The following MYPN variants were observed in gnomAD, a reference collection of about 807,000 sequenced individuals.
MYPN encodes myopalladin, also known as sarcomeric protein myopalladin, 145 kDa (MYOP).
Under a neutral mutation model 129.4 loss-of-function variants are expected in MYPN, and 63 were observed. The observed-to-expected ratio is 0.49, with a 90% CI of 0.40 to 0.60. The LOEUF is 0.60. Among genes scored for constraint, MYPN ranks in the 20% least tolerant of loss-of-function variants. The pLI, the probability that MYPN is intolerant of heterozygous loss-of-function variation, is 0.00. For synonymous variants in MYPN, 629 were observed against 600.9 expected (o/e 1.05, Z -0.68); for missense variants, 1,596 against 1,635.4 (o/e 0.98, Z 0.42).
intron 10 of MYPN, among the ~76,000 whole-genome samples, chr10:68,169,117 G>A (rs539625789): frequency 1.4e-4 from 21 of 149,656 alleles, no homozygotes; most frequent in Non-Finnish European, 2.4e-4. Context: ...AGGCCAAGGC[G>A]GGCGGATCAC....
intron 1 of MYPN, among the ~76,000 whole-genome samples, chr10:68,114,060 G>T (rs891525943): frequency 2.0e-5 from 3 of 152,080 alleles, no homozygotes; most frequent in Non-Finnish European, 4.4e-5. Context: ...CTCACACCCA[G>T]ATTTGTTTTC....
intron 19 of MYPN, 73 bp from the exon 20 acceptor site, chr10:68,210,213 G>T (rs537821334): frequency 5.5e-5 from 85 of 1,556,422 alleles, no homozygotes; most frequent in Admixed American, 3.7e-4. Flanking sequence ...GGTGAGGACA[G>T]AATGCACCTC....
intron 8 of MYPN, chr10:68,162,187 A>C (rs1163551945): frequency 7.0e-6 from 1 of 143,784 alleles, no homozygotes; most frequent in African/African-American, 2.5e-5. Context: ...AAAAAAAAAA[A>C]AACATCCAAA....
rs2042603600 is a variant in MYPN, at chr10:68,143,131, CT to C, written c.1078+18del. The C allele has an allele frequency of 6.2e-7, 1 of 1,611,416 alleles. No individual in the cohort carries two copies. The highest frequency in any genetic ancestry group is 1.1e-5 in the South Asian group (1 of 90,974). On this transcript the variant is annotated intron_variant, in intron 3 of 19. Coordinates refer to ENST00000358913, the MANE Select transcript of MYPN (RefSeq NM_032578.4). ...TATATAGAAGGTAAAACAAAATGCTCTTGGAGTATGACACTTAATAGTAAGA... is the reference window on the plus strand; with the variant it reads ...TATATAGAAGGTAAAACAAAATGCTCTGGAGTATGACACTTAATAGTAAGA...
At chr10:68,136,236 T>C in intron 2 of MYPN, 4 of 986,602 alleles carry the variant, frequency 4.1e-6, no homozygotes, top group Non-Finnish European at 4.8e-6. Context: ...AATGAGCAGA[T>C]CTGGCAAGCC....
At chr10:68,177,608 A>G (rs1156590342) in intron 12 of MYPN, among the ~76,000 whole-genome samples, 1 of 152,214 alleles carries the variant, frequency 6.6e-6, no homozygotes, top group Non-Finnish European at 1.5e-5. Flanking sequence ...AACTGTCTAA[A>G]ATATACTGTG....
intron 12 of MYPN, among the ~76,000 whole-genome samples, chr10:68,186,851 A>G (rs1045006717): frequency 6.6e-6 from 1 of 152,060 alleles, no homozygotes; most frequent in African/African-American, 2.4e-5. Context: ...TGCTATGTAG[A>G]GAATTAGAAT....
rs76077343 is a variant in MYPN at position 68,187,869 on chromosome 10, C to T, written c.2704-1036C>T. Among the ~76,000 whole-genome samples the T allele has an allele frequency of 8.2e-3, 1,253 of 152,242 alleles. 19 individuals are homozygous for T. Among genetic ancestry groups the T allele is most frequent in the African/African-American group, 0.028 (1,166 of 41,548 alleles). The stretch of plus-strand genomic sequence containing the variant: ...AAGTAGTCATCTGTGTCTAATGCTG[C>T]TTAGATCAAGTAAGGTAAGAATGGA... On this transcript the variant is annotated intron_variant, in intron 12 of 19. Coordinates refer to ENST00000358913, the MANE Select transcript of MYPN (RefSeq NM_032578.4).
intron 1 of MYPN, among the ~76,000 whole-genome samples, chr10:68,096,721 A>G (rs537743686): frequency 2.0e-5 from 3 of 152,330 alleles, no homozygotes; most frequent in Admixed American, 1.3e-4. Flanking sequence ...TATTCTACAT[A>G]AGAGTGTTTA....
At chr10:68,210,053 T>G (rs1344866205) in intron 19 of MYPN, among the ~76,000 whole-genome samples, 1 of 152,182 alleles carries the variant, frequency 6.6e-6, no homozygotes, top group Non-Finnish European at 1.5e-5. Flanking sequence ...TGAATTAGAA[T>G]CACAGATTTT....
intron 6 of MYPN, among the ~76,000 whole-genome samples, chr10:68,152,065 G>C (rs1241190546): frequency 3.3e-5 from 5 of 152,156 alleles, no homozygotes; most frequent in Non-Finnish European, 5.9e-5. Flanking sequence ...TGGAAGTTGG[G>C]CCTTCCAAGT....
intron 6 of MYPN, among the ~76,000 whole-genome samples, chr10:68,152,369 G>A (rs1391061838): frequency 6.6e-6 from 1 of 152,124 alleles, no homozygotes; most frequent in East Asian, 1.9e-4. Context: ...TTGCTGAGAG[G>A]AGGGGTCCAT....
upstream of MYPN, among the ~76,000 whole-genome samples, chr10:68,107,046 T>C (rs915359575): frequency 5.3e-5 from 8 of 152,258 alleles, no homozygotes; most frequent in African/African-American, 1.9e-4. Context: ...GATGAAATCT[T>C]GAACTAGTAG....
chr10:68,158,481 T>C lies in MYPN; in HGVS notation c.1318-5T>C. 6.2e-7 allele frequency: 1 copy of C among 1,613,468 alleles called. No individual in the cohort carries two copies. The highest frequency in any genetic ancestry group is 8.5e-7 in the Non-Finnish European group (1 of 1,179,462). On this transcript the variant is annotated splice_polypyrimidine_tract_variant and splice_region_variant and intron_variant, in intron 6 of 19. Transcript: ENST00000358913. ...GTTCTAACTACATTCTTCTTATCAT[T>C]ATAGATGCTACAAAATTTGTCAGCT...
At chr10:68,153,037 G>A (rs1294162975) in intron 6 of MYPN, among the ~76,000 whole-genome samples, 4 of 151,164 alleles carry the variant, frequency 2.6e-5, no homozygotes, top group African/African-American at 7.4e-5. Context: ...CCAAGCTGGA[G>A]TGCAGTGGCA....
intron 1 of MYPN, among the ~76,000 whole-genome samples, chr10:68,116,581 C>A (rs904272606): frequency 1.3e-5 from 2 of 152,044 alleles, no homozygotes; most frequent in Non-Finnish European, 2.9e-5. Context: ...ACTGAAAATA[C>A]AAAAATTAGC....
At chr10:68,112,207 T>G (rs2042091390) in intron 1 of MYPN, among the ~76,000 whole-genome samples, 1 of 152,214 alleles carries the variant, frequency 6.6e-6, no homozygotes, top group African/African-American at 2.4e-5. Flanking sequence ...GAAGTCTTCT[T>G]GATTGCCTTC....
intron 19 of MYPN, among the ~76,000 whole-genome samples, chr10:68,208,228 C>T (rs951304401): frequency 1.3e-5 from 2 of 151,928 alleles, no homozygotes; most frequent in Admixed American, 1.3e-4. Context: ...ACCTAATTAG[C>T]CAAAATAATA....
chr10:68,106,069 G>A (rs1225174164), upstream of MYPN: 3 of 450,952 alleles, frequency 6.7e-6, no homozygotes, highest in African/African-American at 6.0e-5. Context: ...CTCTGGCGGG[G>A]CAGTATCACA....
Sources: allele counts gnomAD v4.1 joint callset (sites outside exome capture counted in the v4.1 genomes callset), GRCh38; gene constraint gnomAD v4.1.1; transcripts MANE v1.5; gene names NCBI Gene and HGNC (gene_info 2026-07-23, HGNC 2026-07-21).